Variants in NEK10 observed in about 807,000 individuals in gnomAD.
NEK10 encodes serine/threonine-protein kinase Nek10.
Under a neutral mutation model 159.8 loss-of-function variants are expected in NEK10, and 122 were observed. That is an observed-to-expected ratio of 0.76 (90% CI 0.66 to 0.89). The LOEUF is 0.89. Ranked by LOEUF, NEK10 falls within the 40% of genes least tolerant of loss-of-function variation. The probability of loss-of-function intolerance (pLI) is 0.00; values close to 1 mark genes in which losing one functional copy is unlikely to be tolerated. For missense variants in NEK10, 1,342 were observed against 1,323.1 expected (o/e 1.01, Z -0.22); for synonymous variants, 466 against 457.1 (o/e 1.02, Z -0.25).
At chr3:27,270,928 C>T (rs1363848070) in intron 22 of NEK10, among the ~76,000 whole-genome samples, 1 of 151,880 alleles carries the variant, frequency 6.6e-6, no homozygotes, top group African/African-American at 2.4e-5. Flanking sequence ...TTATTTAATT[C>T]TTAACATATT....
intron 5 of NEK10, among the ~76,000 whole-genome samples, chr3:27,333,854 A>G (rs1494423): frequency 0.8 from 122,022 of 152,170 alleles, 48,973 homozygotes; most frequent in East Asian, 0.88. Flanking sequence ...ACAAGCAACC[A>G]TGGGCTACCA....
At chr3:27,334,217 A>G (rs2046633226) in intron 5 of NEK10, among the ~76,000 whole-genome samples, 1 of 152,226 alleles carries the variant, frequency 6.6e-6, no homozygotes, top group South Asian at 2.1e-4. Flanking sequence ...ACCTACCAGC[A>G]TGTGCTGCCT....
At chr3:27,212,138 A>G (rs1332882841) in intron 23 of NEK10, among the ~76,000 whole-genome samples, 1 of 152,214 alleles carries the variant, frequency 6.6e-6, no homozygotes, top group East Asian at 1.9e-4. Context: ...AGTCAACAAT[A>G]TTTTCCAAAT....
intron 5 of NEK10, among the ~76,000 whole-genome samples, chr3:27,342,213 C>A (rs2047247365): frequency 6.6e-6 from 1 of 151,970 alleles, no homozygotes; most frequent in South Asian, 2.1e-4. Context: ...TCTAAGCCTT[C>A]AACCCAACAC....
rs920471655 is a variant in NEK10, at chr3:27,171,891, A to G, written c.2777-18T>C. On this transcript the variant is annotated intron_variant, in intron 28 of 35. Transcript: ENST00000691995. ...TAAAATGTCTGAGACGAGAAAATAG[A>G]AATAACTTTACATTATTTCCTCTGC... 1 of 1,608,174 alleles carries G rather than the reference A, an allele frequency of 6.2e-7. No individual in the cohort carries two copies. The highest frequency in any genetic ancestry group is 8.5e-7 in the Non-Finnish European group (1 of 1,176,614).
intron 5 of NEK10, among the ~76,000 whole-genome samples, chr3:27,337,575 C>A (rs1241167421): frequency 6.6e-6 from 1 of 152,152 alleles, no homozygotes; most frequent in Admixed American, 6.6e-5. Context: ...GTAACCAAAA[C>A]AGCATGGTAA....
At chr3:27,231,858 C>CA (rs1367207085) in intron 23 of NEK10, among the ~76,000 whole-genome samples, 1 of 151,438 alleles carries the variant, frequency 6.6e-6, no homozygotes, top group Non-Finnish European at 1.5e-5. Flanking sequence ...AAAACACTGC[C>CA]AACAAAAAGC....
chr3:27,251,396 T>C (rs1254488825), intron 23 of NEK10, among the ~76,000 whole-genome samples: 5 of 152,222 alleles, frequency 3.3e-5, no homozygotes, highest in Non-Finnish European at 2.9e-5. Flanking sequence ...TTCTCATGAA[T>C]GGTTTAGTAC....
intron 13 of NEK10, among the ~76,000 whole-genome samples, chr3:27,300,622 G>C (rs1156344462): frequency 1.3e-5 from 2 of 151,968 alleles, no homozygotes; most frequent in South Asian, 2.1e-4. Flanking sequence ...GTTCTCAAAG[G>C]CTCCTTGTGC....
chr3:27,135,744 T>A (rs1256136752), intron 31 of NEK10, among the ~76,000 whole-genome samples: 1 of 152,232 alleles, frequency 6.6e-6, no homozygotes, highest in Admixed American at 6.5e-5. Flanking sequence ...AAGACTGTTA[T>A]CAAACTAAAT....
chr3:27,117,721 T>C (rs114541202), intron 33 of NEK10, among the ~76,000 whole-genome samples: 1,815 of 152,348 alleles, frequency 0.012, 37 homozygotes, highest in African/African-American at 0.041. Context: ...ATTCTGGATA[T>C]TACACCTTTG....
intron 23 of NEK10, among the ~76,000 whole-genome samples, chr3:27,250,325 T>C (rs1040864568): frequency 3.3e-5 from 5 of 152,074 alleles, no homozygotes; most frequent in Non-Finnish European, 7.4e-5. Flanking sequence ...TAGCTGGGAC[T>C]ACAGGCGCCC....
At chr3:27,258,680 C>G (rs542925614) in intron 22 of NEK10, among the ~76,000 whole-genome samples, 1 of 152,076 alleles carries the variant, frequency 6.6e-6, no homozygotes, top group Non-Finnish European at 1.5e-5. Flanking sequence ...AATAAACTTA[C>G]GTGTTCATGT....
At chr3:27,130,537 C>T (rs1167116359) in intron 32 of NEK10, among the ~76,000 whole-genome samples, 2 of 152,144 alleles carry the variant, frequency 1.3e-5, no homozygotes, top group Non-Finnish European at 2.9e-5. Context: ...GAAAATCACT[C>T]AGTGGGAGTT....
At chr3:27,116,246 T>C (rs577311019) in intron 33 of NEK10, 119 bp from the exon 34 acceptor site, 8 of 859,538 alleles carry the variant, frequency 9.3e-6, no homozygotes, top group East Asian at 2.6e-5. Flanking sequence ...ATGATAAAGA[T>C]GGAACAAGCA....
At chr3:27,170,636 G>A (rs1439449245) in intron 29 of NEK10, among the ~76,000 whole-genome samples, 1 of 152,116 alleles carries the variant, frequency 6.6e-6, no homozygotes, top group Non-Finnish European at 1.5e-5. Context: ...GGAGGCGGAG[G>A]CAGGAGAATC....
At chr3:27,352,224 T>G (rs779937573) in intron 3 of NEK10, among the ~76,000 whole-genome samples, 1 of 152,160 alleles carries the variant, frequency 6.6e-6, no homozygotes, top group Admixed American at 6.5e-5. Flanking sequence ...GTTTGCTAAG[T>G]AGGACACAGG....
chr3:27,192,060 G>C lies in NEK10; in HGVS notation c.2474C>G (p.Thr825Arg), dbSNP rs1468170501. 3.1e-6 allele frequency: 5 copies of C among 1,614,074 alleles called. No individual in the cohort carries two copies. Among genetic ancestry groups the C allele is most frequent in the Non-Finnish European group, 4.2e-6 (5 of 1,180,038 alleles). ...YFMEANRNTV[T>R]CHHELAVLSH... is the part of the protein sequence containing the mutation. ...TAGAACAGCCAGCTCATGGTGACAT[G>C]TGACGGTGTTCCGGTTGGCTTCCAT... Residue 825 changes from threonine (T) to arginine (R), a missense_variant, in exon 26 of 36, where the codon ACA becomes AGA. Thr to Arg is a moderately conservative substitution (Grantham distance 71, BLOSUM62 -1). Coordinates refer to ENST00000691995, the MANE Select transcript of NEK10 (RefSeq NM_001394966.1).
chr3:27,134,425 T>C (rs1942971075), intron 31 of NEK10, among the ~76,000 whole-genome samples: 1 of 152,216 alleles, frequency 6.6e-6, no homozygotes, highest in Non-Finnish European at 1.5e-5. Flanking sequence ...TGCAAGGGGC[T>C]GTCAAACAGA....
Sources: gnomAD v4.1 joint callset for allele counts (sites outside exome capture counted in the v4.1 genomes callset) on GRCh38, gnomAD v4.1.1 for gene constraint, MANE v1.5 for transcripts, NCBI Gene and HGNC (gene_info 2026-07-23, HGNC 2026-07-21) for gene names.